The following ERO1B variants were observed in gnomAD, a reference collection of about 807,000 sequenced individuals.
The protein encoded by ERO1B is ERO1-like protein beta.
A neutral mutation model predicts 75.3 loss-of-function variants in ERO1B; 49 were observed. The observed-to-expected ratio is 0.65, with a 90% CI of 0.52 to 0.83. ERO1B has a LOEUF of 0.83. Ranked by LOEUF, ERO1B falls within the 40% of genes least tolerant of loss-of-function variation. The pLI, the probability that ERO1B is intolerant of heterozygous loss-of-function variation, is 0.00. For missense variants in ERO1B, 512 were observed against 560.1 expected (o/e 0.91, Z 0.87); for synonymous variants, 191 against 192.9 (o/e 0.99, Z 0.08).
rs1664039470 is a variant in ERO1B at position 236,217,995 on chromosome 1, C to T, written c.*521G>A. ...GGGCCATTCATCATGGTGACAGTTC[C>T]AGATTCTAGAAATATTATAGTATTT... On this transcript the variant is annotated 3_prime_UTR_variant, in exon 16 of 16. Transcript: ENST00000354619. 6.6e-6 allele frequency: 1 copy of T among 152,084 alleles called. No individual in the cohort carries two copies. 9.4% of individuals were successfully genotyped at this position (152,084 alleles called of 1,614,324 possible).
intron 6 of ERO1B, among the ~76,000 whole-genome samples, chr1:236,240,189 G>A (rs1558511095): frequency 6.6e-6 from 1 of 151,990 alleles, no homozygotes; most frequent in Non-Finnish European, 1.5e-5. Flanking sequence ...ACAGGCATGG[G>A]CCACCGTGCC....
chr1:236,260,711 G>A (rs1361970416), intron 2 of ERO1B, among the ~76,000 whole-genome samples: 4 of 149,902 alleles, frequency 2.7e-5, no homozygotes, highest in Non-Finnish European at 3.0e-5. Context: ...TGGCTTCACC[G>A]CTGAGTTCTA....
intron 1 of ERO1B, among the ~76,000 whole-genome samples, chr1:236,278,271 A>C (rs920052448): frequency 6.6e-6 from 1 of 152,062 alleles, no homozygotes; most frequent in Non-Finnish European, 1.5e-5. Flanking sequence ...AATTCTCAAA[A>C]GTTTCTTCCC....
intron 4 of ERO1B, among the ~76,000 whole-genome samples, chr1:236,251,766 A>C (rs1665035645): frequency 1.3e-5 from 2 of 152,222 alleles, no homozygotes; most frequent in African/African-American, 4.8e-5. Flanking sequence ...AAGACTAAAA[A>C]TAGCTATGTG....
rs763893171 is a variant in ERO1B at position 236,266,432 on chromosome 1, C to A, written c.222+3443G>T. ...CAGCCTGGCCAACATGGTGAAACCCCGTATCTACTAAAAATATAAAAATTA... is the reference window on the plus strand; with the variant it reads ...CAGCCTGGCCAACATGGTGAAACCCAGTATCTACTAAAAATATAAAAATTA... On this transcript the variant is annotated intron_variant, in intron 2 of 15. Coordinates refer to ENST00000354619, the MANE Select transcript of ERO1B (RefSeq NM_019891.4). 2.6e-5 allele frequency among the ~76,000 whole-genome samples: 4 copies of A among 151,980 alleles called. No homozygotes were observed. The South Asian group carries it at 6.2e-4, about 24-fold the overall frequency.
intron 5 of ERO1B, among the ~76,000 whole-genome samples, chr1:236,244,605 C>A (rs1031281394): frequency 2.0e-5 from 3 of 152,130 alleles, no homozygotes; most frequent in African/African-American, 7.2e-5. Flanking sequence ...TTCCTATTTT[C>A]TTGTTAACAA....
chr1:236,239,829 ATATATGTG>A (rs1365242051), intron 6 of ERO1B, among the ~76,000 whole-genome samples: 3 of 129,596 alleles, frequency 2.3e-5, no homozygotes, highest in South Asian at 2.6e-4. Context: ...ATATGTGTAT[ATATATGTG>A]TATATATATA....
At chr1:236,260,498 C>A (rs769320523) in intron 2 of ERO1B, among the ~76,000 whole-genome samples, 1 of 152,096 alleles carries the variant, frequency 6.6e-6, no homozygotes, top group African/African-American at 2.4e-5. Flanking sequence ...AACCCTGTCT[C>A]TATTAAAAAT....
intron 5 of ERO1B, among the ~76,000 whole-genome samples, chr1:236,245,357 C>T (rs1217943224): frequency 2.3e-4 from 13 of 57,704 alleles, no homozygotes; most frequent in South Asian, 5.8e-4. Flanking sequence ...TATATACACA[C>T]GTATATATAT....
At chr1:236,264,149 G>T (rs1025903479) in intron 2 of ERO1B, among the ~76,000 whole-genome samples, 1 of 152,062 alleles carries the variant, frequency 6.6e-6, no homozygotes, top group Admixed American at 6.6e-5. Flanking sequence ...CACCCAGGCT[G>T]GAGTGCAGTG....
chr1:236,249,997 A>G (rs779125030), intron 4 of ERO1B, 30 bp from the exon 5 acceptor site: 6 of 1,436,460 alleles, frequency 4.2e-6, no homozygotes, highest in Non-Finnish European at 5.8e-6. Context: ...TTTAGTAAAA[A>G]TTATTACCTT....
At chr1:236,258,975 G>T (rs1411270327) in intron 2 of ERO1B, among the ~76,000 whole-genome samples, 1 of 152,036 alleles carries the variant, frequency 6.6e-6, no homozygotes, top group Non-Finnish European at 1.5e-5. Flanking sequence ...ATACTGTACT[G>T]GTGGTGTAAA....
Position 236,216,395 on chromosome 1 carries a change from T to C in ERO1B, c.*2121A>G, listed in dbSNP as rs1364462810. 5 of 152,128 alleles carry C rather than the reference T, an allele frequency of 3.3e-5. No homozygotes were observed. Among genetic ancestry groups the C allele is most frequent in the African/African-American group, 1.2e-4 (5 of 41,446 alleles). The allele number at this position is 152,128 out of a possible 1,614,324, so 9.4% of individuals were successfully genotyped here. A position where few individuals can be genotyped will look rare whatever the true frequency, so the allele number is the denominator to read the frequency against. ...AAATGTCACCAGGCTCACACAATCA[T>C]TTAAGAAATAAAAACACATACACAA... On this transcript the variant is annotated 3_prime_UTR_variant, in exon 16 of 16. Transcript: ENST00000354619.
chr1:236,265,611 T>C (rs1298674570), intron 2 of ERO1B, among the ~76,000 whole-genome samples: 2 of 152,246 alleles, frequency 1.3e-5, no homozygotes, highest in Non-Finnish European at 1.5e-5. Context: ...CCTCTATTTC[T>C]TGTCTTCTAC....
chr1:236,279,604 G>A (rs1014899993), intron 1 of ERO1B, among the ~76,000 whole-genome samples: 7 of 151,128 alleles, frequency 4.6e-5, no homozygotes, highest in East Asian at 1.9e-4. Context: ...CGAGGCAGGC[G>A]GATCACCTTA....
chr1:236,226,538 T>C (rs1195147891), intron 11 of ERO1B, 23 bp from the exon 12 acceptor site: 3 of 1,602,516 alleles, frequency 1.9e-6, no homozygotes, highest in Non-Finnish European at 2.5e-6. Flanking sequence ...AGAAATACAT[T>C]ACATTGTTTT....
chr1:236,231,419 C>T (rs1179449535), intron 9 of ERO1B, among the ~76,000 whole-genome samples: 1 of 149,954 alleles, frequency 6.7e-6, no homozygotes, highest in Non-Finnish European at 1.5e-5. Flanking sequence ...AGTGTTTTCG[C>T]CAAAAAAATG....
intron 6 of ERO1B, among the ~76,000 whole-genome samples, chr1:236,242,067 CAAA>C (rs11339161): frequency 6.8e-5 from 9 of 132,892 alleles, no homozygotes; most frequent in Admixed American, 7.4e-5. Context: ...GACTCTGTCT[CAAA>C]AAAAAAAAAA....
chr1:236,260,050 T>C (rs1665258728), intron 2 of ERO1B, among the ~76,000 whole-genome samples: 1 of 152,130 alleles, frequency 6.6e-6, no homozygotes, highest in Admixed American at 6.5e-5. Flanking sequence ...CACACTAACA[T>C]GAAACTAGAA....
Sources: gnomAD v4.1 joint callset for allele counts (sites outside exome capture counted in the v4.1 genomes callset) on GRCh38, gnomAD v4.1.1 for gene constraint, MANE v1.5 for transcripts, NCBI Gene and HGNC (gene_info 2026-07-23, HGNC 2026-07-21) for gene names.